Variants in TET3 observed in about 807,000 individuals in gnomAD.
The protein encoded by TET3 is methylcytosine dioxygenase TET3.
In TET3, 19 loss-of-function variants were observed where a neutral mutation model predicts 141.4. The observed-to-expected ratio is 0.13, with a 90% CI of 0.09 to 0.20. The LOEUF (loss-of-function observed/expected upper bound fraction) is 0.20. Ranked by LOEUF, TET3 falls within the 10% of genes least tolerant of loss-of-function variation. The pLI is 1.00. For synonymous variants in TET3, 1,043 were observed against 980.9 expected (o/e 1.06, Z -1.18); for missense variants, 1,874 against 2,356.9 (o/e 0.80, Z 4.24).
At chr2:74,019,238 CAGA>C (rs1685901276) in intron 3 of TET3, among the ~76,000 whole-genome samples, 1 of 152,222 alleles carries the variant, frequency 6.6e-6, no homozygotes, top group African/African-American at 2.4e-5. Flanking sequence ...GTCTGGGCGA[CAGA>C]AGGAGACTCT....
rs1399809536 is a variant in TET3, at chr2:73,985,412, G to GGC, written c.-425+265_-425+266dup. Among the ~76,000 whole-genome samples the GGC allele has an allele frequency of 4.8e-5, 7 of 144,858 alleles. 1 individual carries two copies. The highest frequency in any genetic ancestry group is 1.1e-4 in the Non-Finnish European group (7 of 65,294). ...CCCAGAACAAAGGAGCCCGAGCGGCGGCGCGCGCGCGGCCCGGCCCGCGGC... is the reference window on the plus strand; with the variant it reads ...CCCAGAACAAAGGAGCCCGAGCGGCGGCGCGCGCGCGCGGCCCGGCCCGCGGC... On this transcript the variant is annotated intron_variant, in intron 1 of 11. Transcript: ENST00000409262.
chr2:74,095,406 G>A (rs560962391), intron 10 of TET3, among the ~76,000 whole-genome samples: 2 of 152,332 alleles, frequency 1.3e-5, no homozygotes, highest in Admixed American at 6.5e-5. Context: ...GATCTGGATC[G>A]CAGAGCTTCT....
chr2:74,060,582 G>C (rs1456256891), intron 4 of TET3, among the ~76,000 whole-genome samples: 4 of 151,688 alleles, frequency 2.6e-5, no homozygotes, highest in Admixed American at 1.3e-4. Context: ...AGGGGGATTT[G>C]GCAGGGTCAT....
chr2:73,994,153 G>T (rs151289515), intron 2 of TET3, among the ~76,000 whole-genome samples: 25 of 152,234 alleles, frequency 1.6e-4, no homozygotes, highest in African/African-American at 6.0e-4. Context: ...AGAAATGTAC[G>T]AACTCTGGCT....
Position 74,102,242 on chromosome 2 carries a change from CTCA to C in TET3, c.*68_*70del, listed in dbSNP as rs1691267484. 2.2e-6 allele frequency: 3 copies of C among 1,373,818 alleles called. No homozygotes were observed. Among genetic ancestry groups the C allele is most frequent in the Admixed American group, 6.8e-5 (2 of 29,246 alleles). The allele number at this position is 1,373,818 out of a possible 1,614,324, so 85.1% of individuals were successfully genotyped here. A position where few individuals can be genotyped will look rare whatever the true frequency, so the allele number is the denominator to read the frequency against. ...GAGCTGTCTCTGTGGTGCTTTTGCC[CTCA>C]TACCTGGGGGCGGGTTGGGGGTGCA... On this transcript the variant is annotated 3_prime_UTR_variant, in exon 12 of 12. Coordinates refer to ENST00000409262, the MANE Select transcript of TET3 (RefSeq NM_001287491.2).
At chr2:74,119,336 G>C in the TET3 span, among the ~76,000 whole-genome samples, 1 of 144,704 alleles carries the variant, frequency 6.9e-6, no homozygotes, top group Non-Finnish European at 1.5e-5. Flanking sequence ...CTGGGAGACA[G>C]AGTGAGACTC....
At position 74,100,703 on chromosome 2, in the gene TET3, C is replaced by T. The variant is rs1691144667; in HGVS notation, c.3915C>T (p.Ala1305=). 1.2e-6 allele frequency: 2 copies of T among 1,613,918 alleles called. No individual in the cohort carries two copies. Among genetic ancestry groups the T allele is most frequent in the African/African-American group, 1.3e-5 (1 of 74,942 alleles). Residue 1305 remains alanine (A), a synonymous_variant, in exon 12 of 12, where the codon GCC becomes GCT. Transcript: ENST00000409262. Reference sequence around the variant, plus strand: ...CCTCTCAGTTCCTGGGTCCTGGTGCCTGGGGGCACAGTGGCAGCAGTGGCA... The same window carrying T: ...CCTCTCAGTTCCTGGGTCCTGGTGCTTGGGGGCACAGTGGCAGCAGTGGCA... ...VFPSQFLGPG[A]WGHSGSSGSF...
chr2:73,990,214 T>TA (rs11372229), intron 2 of TET3, among the ~76,000 whole-genome samples: 103,265 of 144,450 alleles, frequency 0.71, 36,757 homozygotes, highest in African/African-American at 0.79. Flanking sequence ...ACCCCATTGC[T>TA]AAAAAAAAAA....
intron 3 of TET3, among the ~76,000 whole-genome samples, chr2:74,004,260 G>T (rs915849331): frequency 2.6e-5 from 4 of 152,174 alleles, no homozygotes; most frequent in Non-Finnish European, 4.4e-5. Context: ...TGGTTGCTTG[G>T]GTAGCAGGTG....
intron 4 of TET3, among the ~76,000 whole-genome samples, chr2:74,072,272 G>A (rs1689251007): frequency 6.6e-6 from 1 of 152,166 alleles, no homozygotes; most frequent in African/African-American, 2.4e-5. Flanking sequence ...CAGCACTTTG[G>A]GAGGCCAAGG....
At chr2:74,056,454 C>CTG (rs1292802821) in intron 4 of TET3, among the ~76,000 whole-genome samples, 2 of 152,082 alleles carry the variant, frequency 1.3e-5, no homozygotes, top group African/African-American at 4.8e-5. Context: ...ACACTTAAAG[C>CTG]TGTATAACGA....
intron 2 of TET3, among the ~76,000 whole-genome samples, chr2:73,988,341 A>G (rs190596228): frequency 6.6e-6 from 1 of 152,218 alleles, no homozygotes; most frequent in African/African-American, 2.4e-5. Context: ...CCCAGCCCCC[A>G]TTATCTTACT....
intron 4 of TET3, among the ~76,000 whole-genome samples, chr2:74,071,710 T>C (rs1289323512): frequency 6.6e-6 from 1 of 152,234 alleles, no homozygotes; most frequent in Non-Finnish European, 1.5e-5. Context: ...TACATTTAAT[T>C]GTCATGTCTT....
At chr2:74,066,046 C>T (rs562053438) in intron 4 of TET3, among the ~76,000 whole-genome samples, 8 of 152,254 alleles carry the variant, frequency 5.3e-5, no homozygotes, top group South Asian at 2.1e-4. Context: ...TGTGAGCCAC[C>T]GCGCCTGGCC....
At chr2:74,122,161 A>G in the TET3 span, 85,678 of 151,974 alleles carry the variant, frequency 0.56, 26,742 homozygotes, top group East Asian at 0.9. Flanking sequence ...TGTACAAAAG[A>G]AATCTTCAAA....
chr2:73,986,586 G>A lies in TET3; in HGVS notation c.183G>A (p.Glu61=). The A allele has an allele frequency of 8.1e-7, 1 of 1,232,220 alleles. No homozygotes were observed. Among genetic ancestry groups the A allele is most frequent in the Non-Finnish European group, 1.0e-6 (1 of 988,022 alleles). 76.3% of individuals were successfully genotyped at this position (1,232,220 alleles called of 1,614,324 possible). The change falls in exon 2 of 12, where the codon GAG becomes GAA. Residue 61 remains glutamate, a synonymous_variant. Coordinates refer to ENST00000409262, the MANE Select transcript of TET3 (RefSeq NM_001287491.2). ...AACGGAAACGGTGTGGTACTTGTGA[G>A]CCCTGCCGGCGGCTGGAAAACTGTG... is the stretch of plus-strand genomic sequence containing the variant. ...RKKRKRCGTC[E]PCRRLENCGA...
chr2:74,046,220 T>C lies in TET3; in HGVS notation c.361-58T>C. The C allele has an allele frequency of 1.4e-6, 2 of 1,440,758 alleles. No individual in the cohort carries two copies. Among genetic ancestry groups the C allele is most frequent in the Middle Eastern group, 1.9e-4 (1 of 5,370 alleles). The allele number at this position is 1,440,758 out of a possible 1,614,324, so 89.2% of individuals were successfully genotyped here. A position where few individuals can be genotyped will look rare whatever the true frequency, so the allele number is the denominator to read the frequency against. ...ACCTGAGTGGTATGAAGCAGGGAAA[T>C]GCTTTTCAAATAGTGTGGTTCATTT... On this transcript the variant is annotated intron_variant, in intron 3 of 11. Coordinates refer to ENST00000409262, the MANE Select transcript of TET3 (RefSeq NM_001287491.2). This position sits in a 1 kb window ranked among gnomAD's most constrained non-coding sequence, Gnocchi z 4.3.
rs184474622 is a variant in TET3 at position 74,054,186 on chromosome 2, G to C, written c.2494+5775G>C. On this transcript the variant is annotated intron_variant, in intron 4 of 11. Transcript: ENST00000409262. ...GTGGCTGGAGAGGAGAGTTTCAGGG[G>C]AAGAGGGGATGATACCAAAGCCAGA... Among the ~76,000 whole-genome samples, 10 of 152,264 alleles carry C rather than the reference G, an allele frequency of 6.6e-5. No individual in the cohort carries two copies. The East Asian group carries it at 1.9e-3, about 29-fold the overall frequency.
chr2:74,101,633 G>GC lies in TET3; in HGVS notation c.4851dup (p.Ser1618GlnfsTer26). 1 of 1,613,408 alleles carries GC rather than the reference G, an allele frequency of 6.2e-7. No individual in the cohort carries two copies. Among genetic ancestry groups the GC allele is most frequent in the Non-Finnish European group, 8.5e-7 (1 of 1,179,718 alleles). ...GCCTGGAGGAGGGGCCGGCTGAGGA[G>GC]CCCCCCAGCAAGGGAGCGGTGAAGG... On this transcript the variant is annotated frameshift_variant, in exon 12 of 12. Transcript: ENST00000409262. LOFTEE classifies it high-confidence loss of function. This position sits in a 1 kb window ranked among gnomAD's most constrained non-coding sequence, Gnocchi z 8.5.
Sources: allele counts gnomAD v4.1 joint callset (sites outside exome capture counted in the v4.1 genomes callset), GRCh38; gene constraint gnomAD v4.1.1; non-coding constraint Gnocchi (gnomAD v3.1); transcripts MANE v1.5; gene names NCBI Gene and HGNC (gene_info 2026-07-23, HGNC 2026-07-21).